SCGB2B2: variants seen among roughly 807,000 people sequenced by gnomAD.
The protein encoded by SCGB2B2 is secretoglobin-like protein.
A neutral mutation model predicts 7.6 loss-of-function variants in SCGB2B2; 11 were observed. The ratio of observed to expected loss-of-function variants is 1.45; its 90% CI spans 0.91 to 2.40. SCGB2B2 has a LOEUF of 2.40. Among genes scored for constraint, SCGB2B2 ranks in the 30% most tolerant of loss-of-function variants. The probability of loss-of-function intolerance (pLI) is 0.00; values close to 1 mark genes in which losing one functional copy is unlikely to be tolerated. For missense variants in SCGB2B2, 104 were observed against 115.4 expected (o/e 0.90, Z 0.45); for synonymous variants, 50 against 48.6 (o/e 1.03, Z -0.12).
At chr19:34,661,653 T>C (rs113758823) in intron 1 of SCGB2B2, among the ~76,000 whole-genome samples, 2,999 of 152,302 alleles carry the variant, frequency 0.02, 54 homozygotes, top group South Asian at 0.085. Flanking sequence ...TGTCCCTCTA[T>C]GGGGCACTTG....
At chr19:34,628,564 C>T (rs1045801683) in intron 1 of SCGB2B2, among the ~76,000 whole-genome samples, 18 of 151,710 alleles carry the variant, frequency 1.2e-4, no homozygotes, top group African/African-American at 4.1e-4. Context: ...AAGACTAAAC[C>T]GGGAAGAAGT....
intron 1 of SCGB2B2, among the ~76,000 whole-genome samples, chr19:34,651,035 T>G (rs1217268683): frequency 6.6e-6 from 1 of 151,290 alleles, no homozygotes; most frequent in African/African-American, 2.5e-5. Context: ...GGAAAAAGCA[T>G]GATAAAATTC....
chr19:34,593,304 C>A lies in SCGB2B2; in HGVS notation c.*251G>T. 1 of 423,460 alleles carries A rather than the reference C, an allele frequency of 2.4e-6. No homozygotes were observed. The allele number at this position is 423,460 out of a possible 1,614,324, so 26.2% of individuals were successfully genotyped here. A position where few individuals can be genotyped will look rare whatever the true frequency, so the allele number is the denominator to read the frequency against. On this transcript the variant is annotated 3_prime_UTR_variant, in exon 4 of 4. Transcript: ENST00000601241. Reference sequence around the variant, plus strand: ...CAATGCACTCCAGCCACCCTCCTCCCCGCCAAAAAGAAAACAGGCATGTCT... The same window carrying A: ...CAATGCACTCCAGCCACCCTCCTCCACGCCAAAAAGAAAACAGGCATGTCT...
chr19:34,648,479 G>A (rs1222395255), intron 1 of SCGB2B2, among the ~76,000 whole-genome samples: 4 of 152,142 alleles, frequency 2.6e-5, no homozygotes, highest in Admixed American at 2.0e-4. Context: ...TAAGGAAAAT[G>A]TTAGAGAATA....
intron 1 of SCGB2B2, among the ~76,000 whole-genome samples, chr19:34,626,017 G>T (rs1436319859): frequency 6.6e-6 from 1 of 152,230 alleles, no homozygotes; most frequent in Non-Finnish European, 1.5e-5. Flanking sequence ...AGGGTCTGGA[G>T]TGGACCTCCA....
At chr19:34,674,199 C>A (rs2067867801) in intron 1 of SCGB2B2, among the ~76,000 whole-genome samples, 1 of 152,140 alleles carries the variant, frequency 6.6e-6, no homozygotes, top group African/African-American at 2.4e-5. Context: ...CCTATGTAAG[C>A]TTTTCTGGAT....
chr19:34,674,604 G>C (rs1350179294), intron 1 of SCGB2B2, among the ~76,000 whole-genome samples: 2 of 152,180 alleles, frequency 1.3e-5, no homozygotes, highest in South Asian at 4.1e-4. Flanking sequence ...AGAGATTGAA[G>C]GATGAAAATC....
At chr19:34,670,628 A>C (rs2067777667) in intron 1 of SCGB2B2, among the ~76,000 whole-genome samples, 1 of 152,222 alleles carries the variant, frequency 6.6e-6, no homozygotes, top group Non-Finnish European at 1.5e-5. Context: ...AATGAATACA[A>C]GTCCTTCTTC....
intron 1 of SCGB2B2, chr19:34,632,184 G>A (rs2066553045): frequency 6.6e-6 from 1 of 152,160 alleles, no homozygotes; most frequent in Non-Finnish European, 1.5e-5. Flanking sequence ...TAAGTAACAT[G>A]AGATAATTTC....
rs188027165 is a variant in SCGB2B2, at chr19:34,655,713, G to A, written c.-2032+19917C>T. Among the ~76,000 whole-genome samples the A allele has an allele frequency of 9.8e-4, 149 of 151,392 alleles. 1 individual carries two copies. The Middle Eastern group carries it at 0.01, about 10-fold the overall frequency. ...CTCTCAGATACCTTCTGGTTCACAG[G>A]CTTATGGCTGTGCTGTGAGCAAAGT... On this transcript the variant is annotated intron_variant, in intron 1 of 3. Coordinates refer to ENST00000601241, the MANE Select transcript of SCGB2B2 (RefSeq NM_001025591.4).
intron 1 of SCGB2B2, among the ~76,000 whole-genome samples, chr19:34,599,218 C>A (rs1568428390): frequency 6.6e-6 from 1 of 152,216 alleles, no homozygotes; most frequent in Non-Finnish European, 1.5e-5. Context: ...GGGAGTAGTC[C>A]CACAGCAGAG....
downstream of SCGB2B2, among the ~76,000 whole-genome samples, chr19:34,586,451 C>G (rs1019298241): frequency 6.6e-6 from 1 of 152,184 alleles, no homozygotes. Flanking sequence ...CCTTCCTCCT[C>G]TCTAGGCAAC....
rs148672690 is a variant in SCGB2B2 at position 34,627,019 on chromosome 19, G to A, written c.-2031-30425C>T. Among the ~76,000 whole-genome samples the A allele has an allele frequency of 3.3e-3, 495 of 152,280 alleles. 1 individual carries two copies. Among genetic ancestry groups the A allele is most frequent in the African/African-American group, 0.011 (447 of 41,552 alleles). ...CATCCAGCCAAACTAACCTTCATAC[G>A]TGAAGGAGAAATAAAATCCTTTACA... On this transcript the variant is annotated intron_variant, in intron 1 of 3. Transcript: ENST00000601241.
intron 1 of SCGB2B2, among the ~76,000 whole-genome samples, chr19:34,659,616 GCA>G (rs2067392631): frequency 6.6e-6 from 1 of 152,062 alleles, no homozygotes; most frequent in Non-Finnish European, 1.5e-5. Flanking sequence ...GAACTACAAA[GCA>G]CTGCTCAGTG....
Position 34,594,630 on chromosome 19 carries a change from C to G in SCGB2B2, c.-67G>C. On this transcript the variant is annotated 5_prime_UTR_variant, in exon 2 of 4. Transcript: ENST00000601241. Reference sequence around the variant, plus strand: ...GGCGATGGGTGAGCTTTATGTATATCTGAACAAGGCACATGCCTCTTCGTG... The same window carrying G: ...GGCGATGGGTGAGCTTTATGTATATGTGAACAAGGCACATGCCTCTTCGTG... 8.2e-7 allele frequency: 1 copy of G among 1,219,230 alleles called. No individual in the cohort carries two copies. The highest frequency in any genetic ancestry group is 1.2e-6 in the Non-Finnish European group (1 of 826,640). 75.5% of individuals were successfully genotyped at this position (1,219,230 alleles called of 1,614,324 possible).
rs546867677 is a variant in SCGB2B2, at chr19:34,625,779, C to T, written c.-2031-29185G>A. Among the ~76,000 whole-genome samples the T allele has an allele frequency of 1.3e-4, 20 of 152,322 alleles. No homozygotes were observed. In the South Asian group the frequency reaches 4.1e-3, roughly 32 times the overall value. On this transcript the variant is annotated intron_variant, in intron 1 of 3. Transcript: ENST00000601241. ...CAGCTTTGAAGAGAGTAGTGGTTCT[C>T]CCAGCACACAGCTTGAGATCTGAGA...
chr19:34,671,221 G>A (rs1157275545), intron 1 of SCGB2B2, among the ~76,000 whole-genome samples: 1 of 152,206 alleles, frequency 6.6e-6, no homozygotes, highest in Non-Finnish European at 1.5e-5. Flanking sequence ...CCTGGTTTTT[G>A]TTTTAATATG....
intron 1 of SCGB2B2, among the ~76,000 whole-genome samples, chr19:34,660,708 CA>C (rs1264166976): frequency 6.6e-6 from 1 of 152,212 alleles, no homozygotes; most frequent in Non-Finnish European, 1.5e-5. Context: ...TTGTGGAAGA[CA>C]GTGTGGCGAT....
At chr19:34,651,788 T>C (rs547373589) in intron 1 of SCGB2B2, among the ~76,000 whole-genome samples, 1 of 151,358 alleles carries the variant, frequency 6.6e-6, no homozygotes, top group Admixed American at 6.6e-5. Context: ...TCCTAAAATT[T>C]ATATGAAACT....
Sources: allele counts gnomAD v4.1 joint callset (sites outside exome capture counted in the v4.1 genomes callset), GRCh38; gene constraint gnomAD v4.1.1; transcripts MANE v1.5; gene names NCBI Gene and HGNC (gene_info 2026-07-23, HGNC 2026-07-21).